Variants in LTBP1 observed in about 807,000 individuals in gnomAD.
LTBP1 encodes the protein latent transforming growth factor beta binding protein 1.
Under a neutral mutation model 207.6 loss-of-function variants are expected in LTBP1, and 129 were observed. The observed-to-expected ratio is 0.62, with a 90% confidence interval of 0.54 to 0.72. The LOEUF (loss-of-function observed/expected upper bound fraction) is 0.72. Ranked by LOEUF, LTBP1 falls within the 30% of genes least tolerant of loss-of-function variation. The pLI, the probability that LTBP1 is intolerant of heterozygous loss-of-function variation, is 0.00. For synonymous variants in LTBP1, 963 were observed against 833.7 expected (o/e 1.16, Z -2.67); for missense variants, 2,281 against 2,217.2 (o/e 1.03, Z -0.58).
intron 16 of LTBP1, among the ~76,000 whole-genome samples, chr2:33,274,514 A>T (rs1334519823): frequency 6.6e-6 from 1 of 152,164 alleles, no homozygotes; most frequent in African/African-American, 2.4e-5. Context: ...TTTCCTTGTC[A>T]TTTGTATACA....
intron 3 of LTBP1, among the ~76,000 whole-genome samples, chr2:33,101,228 C>A (rs2079714197): frequency 6.6e-6 from 1 of 152,048 alleles, no homozygotes; most frequent in African/African-American, 2.4e-5. Flanking sequence ...ATTCTGAGCT[C>A]ATTGTTTACA....
intron 33 of LTBP1, 99 bp from the exon 34 acceptor site, chr2:33,398,265 T>G: frequency 9.3e-7 from 1 of 1,079,276 alleles, no homozygotes; most frequent in Non-Finnish European, 1.4e-6. Context: ...AAAGCTTCCT[T>G]GGGGTGGTCG....
intron 4 of LTBP1, among the ~76,000 whole-genome samples, chr2:33,132,804 C>G (rs539254837): frequency 6.6e-6 from 1 of 152,318 alleles, no homozygotes; most frequent in African/African-American, 2.4e-5. Flanking sequence ...AGATGACCAA[C>G]CCAGCTGATG....
chr2:33,155,586 G>A (rs1005831159), intron 5 of LTBP1, among the ~76,000 whole-genome samples: 1 of 152,030 alleles, frequency 6.6e-6, no homozygotes, highest in Non-Finnish European at 1.5e-5. Context: ...TTACCTATTA[G>A]ATTCAAGTAG....
chr2:33,015,074 C>T (rs1042999847), intron 2 of LTBP1, among the ~76,000 whole-genome samples: 2 of 151,914 alleles, frequency 1.3e-5, no homozygotes, highest in Non-Finnish European at 2.9e-5. Context: ...CAATAACCTC[C>T]TAAATGTTAT....
At chr2:33,056,309 A>AGTTTT (rs1292726939) in intron 3 of LTBP1, 20 of 875,946 alleles carry the variant, frequency 2.3e-5, no homozygotes, top group South Asian at 3.9e-5. Flanking sequence ...AACCGCCTGC[A>AGTTTT]GTTTTGTTTT....
At position 33,300,511 on chromosome 2, in the gene LTBP1, G is replaced by A; in HGVS notation, c.3296G>A (p.Gly1099Asp). ...CVNGQCKNTE[G>D]SFRCTCGQGY... ...AACGGGCAGTGCAAAAATACCGAGG[G>A]CTCCTTCAGGTGCACCTGTGGACAG... is the stretch of plus-strand genomic sequence containing the variant. Residue 1099 changes from glycine (G) to aspartate (D), a missense_variant, in exon 21 of 34, where the codon GGC (glycine) becomes GAC (aspartate). Around this residue, in one of 3 missense-constraint regions of LTBP1, gnomAD observed 1,671 missense variants for 1,634.8 expected, o/e 1.02. Coordinates refer to ENST00000404816, the MANE Select transcript of LTBP1 (RefSeq NM_206943.4). 1 of 1,613,776 alleles carries A rather than the reference G, an allele frequency of 6.2e-7. No homozygotes were observed. Among genetic ancestry groups the A allele is most frequent in the African/African-American group, 1.3e-5 (1 of 75,030 alleles).
At chr2:33,317,455 T>C (rs1232729452) in intron 24 of LTBP1, among the ~76,000 whole-genome samples, 2 of 152,250 alleles carry the variant, frequency 1.3e-5, no homozygotes, top group South Asian at 4.1e-4. Context: ...AATCCAATAT[T>C]CTAAATTGGT....
chr2:33,168,839 T>G (rs1262480261), intron 5 of LTBP1, among the ~76,000 whole-genome samples: 1 of 152,218 alleles, frequency 6.6e-6, no homozygotes, highest in Non-Finnish European at 1.5e-5. Flanking sequence ...TTCCAACTCA[T>G]AGTGATTTTG....
At chr2:33,245,070 G>C (rs1236169884) in intron 10 of LTBP1, among the ~76,000 whole-genome samples, 2 of 152,118 alleles carry the variant, frequency 1.3e-5, no homozygotes, top group Non-Finnish European at 2.9e-5. Flanking sequence ...AGTAGAGACA[G>C]GGTTTTGCCA....
At chr2:33,094,324 A>G (rs998923512) in intron 3 of LTBP1, among the ~76,000 whole-genome samples, 1 of 152,166 alleles carries the variant, frequency 6.6e-6, no homozygotes, top group Non-Finnish European at 1.5e-5. Context: ...AAAAAATTTT[A>G]AATTTTTGCT....
intron 5 of LTBP1, among the ~76,000 whole-genome samples, chr2:33,184,513 A>G (rs1288332262): frequency 6.6e-6 from 1 of 152,202 alleles, no homozygotes; most frequent in Non-Finnish European, 1.5e-5. Context: ...ACCAGTTTCA[A>G]AAACTTATCC....
chr2:33,290,520 AG>A (rs1170866085), intron 19 of LTBP1, among the ~76,000 whole-genome samples: 1 of 152,208 alleles, frequency 6.6e-6, no homozygotes, highest in Non-Finnish European at 1.5e-5. Flanking sequence ...TTTAGAAAAA[AG>A]TTTATTCTGT....
chr2:33,188,855 A>G lies in LTBP1; in HGVS notation c.1701+4A>G. On this transcript the variant is annotated splice_donor_region_variant and intron_variant, in intron 7 of 33. Transcript: ENST00000404816. Reference sequence around the variant, plus strand: ...CCAGGAAACCATTGGGTCACAGGTAAACATCATCACCGAGCCTGCTTTAGC... The same window carrying G: ...CCAGGAAACCATTGGGTCACAGGTAGACATCATCACCGAGCCTGCTTTAGC... 6.2e-7 allele frequency: 1 copy of G among 1,613,772 alleles called. No homozygotes were observed. The highest frequency in any genetic ancestry group is 1.7e-5 in the Admixed American group (1 of 60,022).
chr2:33,030,813 T>C (rs1424490620), intron 3 of LTBP1, among the ~76,000 whole-genome samples: 1 of 152,194 alleles, frequency 6.6e-6, no homozygotes, highest in Admixed American at 6.5e-5. Flanking sequence ...TGTGAAGTCT[T>C]AGTGGCTTTG....
At chr2:33,385,191 T>C (rs1021266545) in intron 31 of LTBP1, among the ~76,000 whole-genome samples, 1 of 152,184 alleles carries the variant, frequency 6.6e-6, no homozygotes, top group African/African-American at 2.4e-5. Flanking sequence ...TGTGCCTTGT[T>C]TGAGAGGAAG....
At chr2:33,124,628 T>G (rs977540035) in intron 4 of LTBP1, among the ~76,000 whole-genome samples, 7 of 152,246 alleles carry the variant, frequency 4.6e-5, no homozygotes, top group Non-Finnish European at 1.0e-4. Flanking sequence ...ATGAGAATTT[T>G]CCTAGATTTA....
At chr2:33,093,919 C>T (rs2150057958) in intron 3 of LTBP1, among the ~76,000 whole-genome samples, 1 of 152,104 alleles carries the variant, frequency 6.6e-6, no homozygotes, top group South Asian at 2.1e-4. Context: ...TTTTTATTTT[C>T]TTTTTAACAT....
At chr2:33,158,394 C>T (rs1029605924) in intron 5 of LTBP1, among the ~76,000 whole-genome samples, 2 of 152,114 alleles carry the variant, frequency 1.3e-5, no homozygotes, top group Non-Finnish European at 2.9e-5. Flanking sequence ...ATCCCAGACA[C>T]AGAAGGCTAC....
Sources: allele counts gnomAD v4.1 joint callset (sites outside exome capture counted in the v4.1 genomes callset), GRCh38; gene constraint gnomAD v4.1.1; regional missense constraint gnomAD v4.1.1; transcripts MANE v1.5; gene names NCBI Gene and HGNC (gene_info 2026-07-23, HGNC 2026-07-21).